TMTC2: variants seen among roughly 807,000 people sequenced by gnomAD.
The protein encoded by TMTC2 is protein O-mannosyl-transferase TMTC2.
A neutral mutation model predicts 82.4 loss-of-function variants in TMTC2; 43 were observed. That is an observed-to-expected ratio of 0.52 (90% CI 0.41 to 0.67). The LOEUF is 0.67. Ranked by LOEUF, TMTC2 falls within the 30% of genes least tolerant of loss-of-function variation. The pLI, the probability that TMTC2 is intolerant of heterozygous loss-of-function variation, is 0.00. For synonymous variants in TMTC2, 408 were observed against 381.9 expected (o/e 1.07, Z -0.80); for missense variants, 919 against 1,012.4 (o/e 0.91, Z 1.25).
At chr12:82,805,534 GT>G (rs946799614) in intron 1 of TMTC2, among the ~76,000 whole-genome samples, 8 of 112,018 alleles carry the variant, frequency 7.1e-5, no homozygotes, top group Admixed American at 3.8e-4. Flanking sequence ...TTGAGACAGA[GT>G]CTTGCTCTGT....
At chr12:82,948,962 A>T (rs1877190700) in intron 4 of TMTC2, among the ~76,000 whole-genome samples, 1 of 152,192 alleles carries the variant, frequency 6.6e-6, no homozygotes, top group Non-Finnish European at 1.5e-5. Context: ...CATTCAAAGC[A>T]TATCAACTCA....
intron 7 of TMTC2, among the ~76,000 whole-genome samples, chr12:82,980,765 C>T (rs141759505): frequency 5.3e-5 from 8 of 151,978 alleles, no homozygotes; most frequent in African/African-American, 1.2e-4. Flanking sequence ...ATGTCAGTCA[C>T]GTACGCATCA....
At chr12:83,032,256 T>TA (rs1489368435) in intron 9 of TMTC2, among the ~76,000 whole-genome samples, 13 of 78,702 alleles carry the variant, frequency 1.7e-4, no homozygotes, top group African/African-American at 2.2e-4. Flanking sequence ...TAGAGAATAT[T>TA]TTATATATAT....
At chr12:83,000,858 T>C (rs1372476372) in intron 8 of TMTC2, among the ~76,000 whole-genome samples, 1 of 152,206 alleles carries the variant, frequency 6.6e-6, no homozygotes, top group Non-Finnish European at 1.5e-5. Flanking sequence ...TCCCAAACCT[T>C]AATTCTTGAC....
intron 8 of TMTC2, among the ~76,000 whole-genome samples, chr12:83,013,890 C>T (rs187489223): frequency 8.5e-5 from 13 of 152,162 alleles, no homozygotes; most frequent in African/African-American, 2.4e-4. Flanking sequence ...ATTTCTAGGG[C>T]GAGGTGGGCG....
At chr12:82,933,024 C>T (rs1364455161) in intron 4 of TMTC2, among the ~76,000 whole-genome samples, 2 of 152,126 alleles carry the variant, frequency 1.3e-5, no homozygotes, top group Non-Finnish European at 2.9e-5. Context: ...AAAATCTGTA[C>T]TGGAAGAGTG....
chr12:82,873,213 T>TGTGTGTGTGTGTGTG (rs142938543), intron 2 of TMTC2, among the ~76,000 whole-genome samples: 8 of 143,636 alleles, frequency 5.6e-5, no homozygotes, highest in African/African-American at 2.1e-4. Context: ...TTCAAAGATG[T>TGTGTGTGTGTGTGTG]TGTGTGTGTG....
intron 1 of TMTC2, among the ~76,000 whole-genome samples, chr12:82,835,748 T>A (rs1158843502): frequency 6.6e-6 from 1 of 152,242 alleles, no homozygotes; most frequent in East Asian, 1.9e-4. Flanking sequence ...TTTAGGCAGT[T>A]CGCATTGATA....
At chr12:83,003,845 G>A (rs1448793583) in intron 8 of TMTC2, among the ~76,000 whole-genome samples, 1 of 151,694 alleles carries the variant, frequency 6.6e-6, no homozygotes, top group Non-Finnish European at 1.5e-5. Context: ...GTGTCTTGGG[G>A]GTGCTTATTT....
chr12:83,086,448 C>T (rs1249400393), intron 11 of TMTC2, among the ~76,000 whole-genome samples: 1 of 152,166 alleles, frequency 6.6e-6, no homozygotes, highest in Non-Finnish European at 1.5e-5. Context: ...GCATTCTGTT[C>T]TTGATGGGCG....
intron 4 of TMTC2, among the ~76,000 whole-genome samples, chr12:82,943,536 T>A (rs576837792): frequency 2.0e-5 from 3 of 152,324 alleles, no homozygotes; most frequent in Admixed American, 6.5e-5. Flanking sequence ...CCACAGTTGA[T>A]TTTGCACTCC....
At position 82,857,535 on chromosome 12, in the gene TMTC2, C is replaced by T. The variant is rs138847027; in HGVS notation, c.609C>T (p.Val203=). The change falls in exon 2 of 12, where the codon GTC becomes GTT. Residue 203 remains valine (V), a synonymous_variant. Coordinates refer to ENST00000321196, the MANE Select transcript of TMTC2 (RefSeq NM_152588.3). ...TTTCAGCAGTTTATGATGTCTTTGT[C>T]TTTCACAGGCTGAAAATAAAACAGA... ...LAVSAVYDVF[V]FHRLKIKQIL... The T allele has an allele frequency of 4.0e-4, 653 of 1,612,708 alleles. 1 individual carries two copies. The highest frequency in any genetic ancestry group is 2.5e-3 in the Middle Eastern group (15 of 6,052).
chr12:83,059,515 G>A (rs574971149), intron 10 of TMTC2, among the ~76,000 whole-genome samples: 35 of 151,806 alleles, frequency 2.3e-4, no homozygotes, highest in Non-Finnish European at 4.3e-4. Context: ...AGGTCCTAGA[G>A]GGAAAATTAA....
intron 4 of TMTC2, among the ~76,000 whole-genome samples, chr12:82,933,142 C>T (rs1261831781): frequency 2.0e-5 from 3 of 152,026 alleles, no homozygotes; most frequent in Non-Finnish European, 4.4e-5. Context: ...GTCTTTAAAC[C>T]ACACTTATCT....
chr12:82,918,225 C>G (rs1355804211), intron 3 of TMTC2, among the ~76,000 whole-genome samples: 1 of 152,150 alleles, frequency 6.6e-6, no homozygotes, highest in Non-Finnish European at 1.5e-5. Flanking sequence ...GGCTTTTAAT[C>G]TGAATAAAAA....
intron 1 of TMTC2, among the ~76,000 whole-genome samples, chr12:82,716,403 G>A (rs1227782711): frequency 1.4e-5 from 2 of 138,680 alleles, no homozygotes; most frequent in Non-Finnish European, 3.0e-5. Flanking sequence ...TCGCTTTGTC[G>A]CCCAGGCTGG....
At chr12:83,024,251 A>T (rs1014916101) in intron 8 of TMTC2, among the ~76,000 whole-genome samples, 1 of 152,184 alleles carries the variant, frequency 6.6e-6, no homozygotes, top group Non-Finnish European at 1.5e-5. Context: ...TTTGTATCAA[A>T]ATTTTTTTAA....
intron 6 of TMTC2, 133 bp downstream of exon 6, chr12:82,965,877 T>C (rs920126617): frequency 2.3e-6 from 2 of 872,630 alleles, no homozygotes; most frequent in African/African-American, 3.3e-5. Flanking sequence ...ACTATTGTCC[T>C]TTGAGAAACT....
At chr12:82,878,458 GA>G (rs1171499229) in intron 2 of TMTC2, among the ~76,000 whole-genome samples, 7 of 152,176 alleles carry the variant, frequency 4.6e-5, no homozygotes, top group Non-Finnish European at 8.8e-5. Flanking sequence ...AAGTCTTGCA[GA>G]AAAAATAGAA....
Sources: gnomAD v4.1 joint callset for allele counts (sites outside exome capture counted in the v4.1 genomes callset) on GRCh38, gnomAD v4.1.1 for gene constraint, MANE v1.5 for transcripts, NCBI Gene and HGNC (gene_info 2026-07-23, HGNC 2026-07-21) for gene names.